Variants in PRKCE observed in about 807,000 individuals in gnomAD.
The protein encoded by PRKCE is protein kinase C epsilon type.
In PRKCE, 16 loss-of-function variants were observed where a neutral mutation model predicts 85.4. The ratio of observed to expected loss-of-function variants is 0.19; its 90% CI spans 0.13 to 0.28. The LOEUF is 0.28. PRKCE is among the 10% of genes least tolerant of loss of function. The pLI is 1.00. For missense variants in PRKCE, 573 were observed against 975.2 expected, an observed-to-expected ratio of 0.59 and a Z score of 5.49; for synonymous variants, 388 against 371.5, an observed-to-expected ratio of 1.04 and a Z score of -0.51.
At chr2:46,088,170 G>T (rs538520861) in intron 11 of PRKCE, among the ~76,000 whole-genome samples, 1 of 152,296 alleles carries the variant, frequency 6.6e-6, no homozygotes, top group African/African-American at 2.4e-5. Flanking sequence ...TTATACCAGA[G>T]CATGAGTTGG....
intron 1 of PRKCE, among the ~76,000 whole-genome samples, chr2:45,716,989 C>T (rs1373830885): frequency 1.3e-5 from 2 of 152,186 alleles, no homozygotes; most frequent in East Asian, 3.9e-4. Context: ...TCCCATGATT[C>T]AATTACCTCC....
At chr2:45,867,053 T>C (rs569094319) in intron 2 of PRKCE, among the ~76,000 whole-genome samples, 23 of 152,300 alleles carry the variant, frequency 1.5e-4, no homozygotes, top group East Asian at 9.6e-4. Flanking sequence ...CAGGCCTCTG[T>C]TGTTTCAGCA....
chr2:45,661,006 C>A (rs922098449), intron 1 of PRKCE, among the ~76,000 whole-genome samples: 1 of 152,142 alleles, frequency 6.6e-6, no homozygotes, highest in Non-Finnish European at 1.5e-5. Context: ...TCATGAAACC[C>A]AGATGCTGAA....
chr2:45,853,405 T>C (rs1692432363), intron 2 of PRKCE, among the ~76,000 whole-genome samples: 1 of 152,176 alleles, frequency 6.6e-6, no homozygotes, highest in Non-Finnish European at 1.5e-5. Context: ...ATTTTTTGTT[T>C]TTGTGTTTGT....
intron 1 of PRKCE, among the ~76,000 whole-genome samples, chr2:45,681,347 C>T (rs998581806): frequency 6.9e-6 from 1 of 145,676 alleles, no homozygotes; most frequent in Admixed American, 6.9e-5. Context: ...TATAATAAGC[C>T]TCCTGGTGGG....
At chr2:46,074,778 C>T (rs758650073) in intron 10 of PRKCE, among the ~76,000 whole-genome samples, 2 of 152,158 alleles carry the variant, frequency 1.3e-5, no homozygotes, top group Non-Finnish European at 2.9e-5. Flanking sequence ...CTGAGCTGCA[C>T]GTGCACTGAG....
chr2:45,976,873 G>A (rs959563848), intron 3 of PRKCE, among the ~76,000 whole-genome samples: 45 of 144,620 alleles, frequency 3.1e-4, no homozygotes, highest in Non-Finnish European at 5.1e-4. Context: ...GTGTGTGTGT[G>A]TGTGTGTGTG....
intron 14 of PRKCE, chr2:46,164,682 C>G (rs1480983546): frequency 2.0e-5 from 3 of 152,368 alleles, no homozygotes; most frequent in Non-Finnish European, 2.9e-5. Context: ...ATGTCACTTA[C>G]AAGAGCCAGG....
intron 1 of PRKCE, among the ~76,000 whole-genome samples, chr2:45,733,070 C>G (rs572318876): frequency 3.3e-4 from 50 of 152,282 alleles, no homozygotes; most frequent in African/African-American, 1.2e-3. Context: ...TATTTATAAA[C>G]AAAGGCAGTG....
At chr2:46,072,211 C>T (rs1024885814) in intron 10 of PRKCE, among the ~76,000 whole-genome samples, 7 of 152,218 alleles carry the variant, frequency 4.6e-5, no homozygotes, top group African/African-American at 1.7e-4. Context: ...TCCTCTTCAG[C>T]GTGCCTTCAG....
intron 2 of PRKCE, among the ~76,000 whole-genome samples, chr2:45,939,950 G>A (rs1375827677): frequency 9.2e-5 from 14 of 152,200 alleles, no homozygotes; most frequent in Non-Finnish European, 2.1e-4. Flanking sequence ...ACCATACTGG[G>A]CTGGCAGTGA....
intron 11 of PRKCE, among the ~76,000 whole-genome samples, chr2:46,087,310 G>A (rs528675002): frequency 6.6e-6 from 1 of 152,294 alleles, no homozygotes; most frequent in South Asian, 2.1e-4. Context: ...CCAACTGGAA[G>A]TGTGGCATTG....
chr2:45,722,788 C>A (rs1023823262), intron 1 of PRKCE, among the ~76,000 whole-genome samples: 1 of 152,158 alleles, frequency 6.6e-6, no homozygotes, highest in Non-Finnish European at 1.5e-5. Context: ...CCTAGGAATG[C>A]ATTGTAGTCA....
At chr2:46,061,104 C>CTTTTT (rs565280374) in intron 10 of PRKCE, among the ~76,000 whole-genome samples, 17 of 103,488 alleles carry the variant, frequency 1.6e-4, no homozygotes, top group East Asian at 3.0e-4. Flanking sequence ...CTTTTTTTTC[C>CTTTTT]TTTTTTTTTT....
rs142755479 is a variant in PRKCE, at chr2:45,743,743, G to A, written c.348+91295G>A. Reference sequence around the variant, plus strand: ...CTAAGCAGGAGGTTTTTAAGACTGTGTTTAGTCCAGATACTTTGAGCCAAC... The same window carrying A: ...CTAAGCAGGAGGTTTTTAAGACTGTATTTAGTCCAGATACTTTGAGCCAAC... On this transcript the variant is annotated intron_variant, in intron 1 of 14. Transcript: ENST00000306156. 2.7e-3 allele frequency among the ~76,000 whole-genome samples: 408 copies of A among 152,298 alleles called. 2 individuals carry two copies. The highest frequency in any genetic ancestry group is 9.3e-3 in the African/African-American group (385 of 41,546).
At chr2:46,038,651 TCACACACACACACA>T (rs3222422) in intron 10 of PRKCE, among the ~76,000 whole-genome samples, 146 of 128,726 alleles carry the variant, frequency 1.1e-3, no homozygotes, top group Middle Eastern at 3.7e-3. Context: ...AGTAACAACT[TCACACACACACACA>T]CACACACACA....
intron 1 of PRKCE, among the ~76,000 whole-genome samples, chr2:45,661,158 G>T (rs1256877572): frequency 6.6e-6 from 1 of 152,156 alleles, no homozygotes. Flanking sequence ...AGATAGATAA[G>T]ACTAAAAATG....
chr2:46,170,240 C>A (rs1395951171), intron 14 of PRKCE, among the ~76,000 whole-genome samples: 2 of 152,204 alleles, frequency 1.3e-5, no homozygotes, highest in Admixed American at 1.3e-4. Flanking sequence ...CTTTCTGTCA[C>A]TGGAGATTAG....
chr2:46,055,250 C>T (rs1666454684), intron 10 of PRKCE, among the ~76,000 whole-genome samples: 1 of 152,242 alleles, frequency 6.6e-6, no homozygotes, highest in African/African-American at 2.4e-5. Context: ...ACGGGGCCCT[C>T]ACAGAGATTT....
Sources: allele counts gnomAD v4.1 joint callset (sites outside exome capture counted in the v4.1 genomes callset), GRCh38; gene constraint gnomAD v4.1.1; transcripts MANE v1.5; gene names NCBI Gene and HGNC (gene_info 2026-07-23, HGNC 2026-07-21).